THSD7A: variants seen among roughly 807,000 people sequenced by gnomAD.
THSD7A encodes the protein thrombospondin type-1 domain-containing protein 7A.
Under a neutral mutation model 231.3 loss-of-function variants are expected in THSD7A, and 96 were observed. That is an observed-to-expected ratio of 0.41 (90% confidence interval 0.35 to 0.49). THSD7A has a LOEUF of 0.49. THSD7A is among the 20% of genes least tolerant of loss of function. The pLI, the probability that THSD7A is intolerant of heterozygous loss-of-function variation, is 0.05. For missense variants in THSD7A, 2,290 were observed against 2,070.2 expected (o/e 1.11, Z -2.06); for synonymous variants, 940 against 743.3 (o/e 1.26, Z -4.30).
At chr7:11,472,507 G>C (rs1785977971) in intron 8 of THSD7A, among the ~76,000 whole-genome samples, 1 of 152,124 alleles carries the variant, frequency 6.6e-6, no homozygotes, top group Admixed American at 6.6e-5. Flanking sequence ...GTATTTGCTT[G>C]ATTTTCTAGA....
intron 1 of THSD7A, among the ~76,000 whole-genome samples, chr7:11,668,153 G>T (rs1057211146): frequency 5.3e-5 from 8 of 152,082 alleles, no homozygotes; most frequent in African/African-American, 1.7e-4. Context: ...AGAAATGGAA[G>T]GCCGGGCATG....
intron 7 of THSD7A, among the ~76,000 whole-genome samples, chr7:11,478,741 C>T (rs2128303891): frequency 1.3e-5 from 2 of 152,108 alleles, no homozygotes; most frequent in Middle Eastern, 6.8e-3. Context: ...TGTTAGGAGC[C>T]CTGTTTTATC....
chr7:11,532,419 T>G (rs739755), intron 6 of THSD7A, among the ~76,000 whole-genome samples: 12,553 of 152,176 alleles, frequency 0.082, 796 homozygotes, highest in East Asian at 0.18. Flanking sequence ...GAATTGGCTT[T>G]GAGACTTGGG....
At chr7:11,718,257 T>C (rs1021191219) in intron 1 of THSD7A, among the ~76,000 whole-genome samples, 1 of 151,632 alleles carries the variant, frequency 6.6e-6, no homozygotes, top group Non-Finnish European at 1.5e-5. Flanking sequence ...ATTTATTTAA[T>C]AAAGGGAAGC....
intron 1 of THSD7A, among the ~76,000 whole-genome samples, chr7:11,825,629 TCTCCTAG>T (rs1785002715): frequency 6.6e-6 from 1 of 152,108 alleles, no homozygotes; most frequent in East Asian, 1.9e-4. Context: ...TGTCAGGCAC[TCTCCTAG>T]TACGTTACAT....
intron 17 of THSD7A, among the ~76,000 whole-genome samples, chr7:11,417,144 C>T (rs981579905): frequency 6.6e-6 from 1 of 152,164 alleles, no homozygotes; most frequent in African/African-American, 2.4e-5. Flanking sequence ...ATCATTATCA[C>T]CACTGCAGTT....
chr7:11,748,042 A>G (rs540134932), intron 1 of THSD7A, among the ~76,000 whole-genome samples: 1 of 152,042 alleles, frequency 6.6e-6, no homozygotes. Context: ...TTTAACCTAA[A>G]GACTAAGGAA....
At chr7:11,780,565 A>G (rs10238135) in intron 1 of THSD7A, among the ~76,000 whole-genome samples, 42,076 of 152,002 alleles carry the variant, frequency 0.28, 6,961 homozygotes, top group African/African-American at 0.46. Flanking sequence ...CCACATGGAA[A>G]TGAATTCTCT....
chr7:11,554,095 C>T (rs543500752), intron 4 of THSD7A, among the ~76,000 whole-genome samples: 267 of 152,074 alleles, frequency 1.8e-3, no homozygotes, highest in African/African-American at 5.9e-3. Flanking sequence ...AATATTACAG[C>T]CAGAATATTG....
intron 1 of THSD7A, among the ~76,000 whole-genome samples, chr7:11,709,513 T>C (rs1185750383): frequency 6.6e-6 from 1 of 150,780 alleles, no homozygotes; most frequent in Non-Finnish European, 1.5e-5. Flanking sequence ...CTCATGGAGA[T>C]AATGGAAGGA....
chr7:11,452,024 C>G (rs1378982612), intron 11 of THSD7A, among the ~76,000 whole-genome samples: 1 of 151,920 alleles, frequency 6.6e-6, no homozygotes, highest in Non-Finnish European at 1.5e-5. Context: ...TGCCTTAGTG[C>G]AGTGAAAGCT....
In THSD7A at chr7:11,474,710, T is replaced by C; in HGVS notation, c.2018-142A>G. The C allele has an allele frequency of 1.5e-6, 1 of 646,770 alleles. No homozygotes were observed. Among genetic ancestry groups the C allele is most frequent in the Admixed American group, 3.1e-5 (1 of 32,546 alleles). 40.1% of individuals were successfully genotyped at this position (646,770 alleles called of 1,614,324 possible). A position where few individuals can be genotyped will look rare whatever the true frequency, so the allele number is the denominator to read the frequency against. On this transcript the variant is annotated intron_variant, in intron 7 of 27. Coordinates refer to ENST00000423059, the MANE Select transcript of THSD7A (RefSeq NM_015204.3). The surrounding 1 kb of genome is among the most constrained non-coding windows in gnomAD (Gnocchi z 4.1). ...CAAGTTCATAAATACACGCAATATT[T>C]ATGTGAGATGCTTCAAGGGATACCT...
chr7:11,677,584 C>CAAAAAAAAAAAAAAAAAAAAAAAA (rs553030554), intron 1 of THSD7A, among the ~76,000 whole-genome samples: 1 of 22,274 alleles, frequency 4.5e-5, no homozygotes, highest in African/African-American at 2.6e-4. Flanking sequence ...AAATGGAAAG[C>CAAAAAAAAAAAAAAAAAAAAAAAA]AAAAAAAAAA....
intron 11 of THSD7A, among the ~76,000 whole-genome samples, chr7:11,458,017 T>C (rs1411427910): frequency 1.3e-5 from 2 of 152,110 alleles, no homozygotes; most frequent in Non-Finnish European, 2.9e-5. Context: ...CTTCATTCTT[T>C]CCTAACATTT....
intron 1 of THSD7A, among the ~76,000 whole-genome samples, chr7:11,712,068 A>C (rs536084899): frequency 9.3e-5 from 14 of 151,240 alleles, no homozygotes; most frequent in African/African-American, 2.9e-4. Flanking sequence ...AGAAGCCCTC[A>C]GGAAAGAGAC....
At chr7:11,776,615 T>A (rs1422139219) in intron 1 of THSD7A, among the ~76,000 whole-genome samples, 1 of 152,218 alleles carries the variant, frequency 6.6e-6, no homozygotes, top group African/African-American at 2.4e-5. Context: ...TGCTGTGTTT[T>A]ATAAAACTTG....
chr7:11,382,676 G>T, intron 23 of THSD7A, 60 bp from the exon 24 acceptor site: 1 of 1,232,392 alleles, frequency 8.1e-7, no homozygotes, highest in Non-Finnish European at 1.2e-6. Context: ...ACAATCATGG[G>T]GATAGAGTAT....
At chr7:11,522,506 T>A (rs1788308285) in intron 6 of THSD7A, among the ~76,000 whole-genome samples, 1 of 152,200 alleles carries the variant, frequency 6.6e-6, no homozygotes, top group Non-Finnish European at 1.5e-5. Context: ...GTTTTATCTT[T>A]TCATTTGACT....
intron 6 of THSD7A, among the ~76,000 whole-genome samples, chr7:11,516,795 G>T (rs1293753126): frequency 6.6e-6 from 1 of 152,130 alleles, no homozygotes; most frequent in South Asian, 2.1e-4. Flanking sequence ...GGCACCAGGT[G>T]TATTAAATAA....
Sources: allele counts gnomAD v4.1 joint callset (sites outside exome capture counted in the v4.1 genomes callset), GRCh38; gene constraint gnomAD v4.1.1; non-coding constraint Gnocchi (gnomAD v3.1); transcripts MANE v1.5; gene names NCBI Gene and HGNC (gene_info 2026-07-23, HGNC 2026-07-21).